The following SRFBP1 variants were observed in gnomAD, a reference collection of about 807,000 sequenced individuals.
SRFBP1 encodes the protein serum response factor binding protein 1.
A neutral mutation model predicts 45.5 loss-of-function variants in SRFBP1; 47 were observed. That is an observed-to-expected ratio of 1.03 (90% CI 0.82 to 1.32). The LOEUF (loss-of-function observed/expected upper bound fraction) is 1.32. Ranked by LOEUF, SRFBP1 falls within the 40% of genes most tolerant of loss-of-function variation. SRFBP1 has a pLI of 0.00. For missense variants in SRFBP1, 621 were observed against 484.6 expected (o/e 1.28, Z -2.64); for synonymous variants, 203 against 166.3 (o/e 1.22, Z -1.70).
intron 2 of SRFBP1, among the ~76,000 whole-genome samples, chr5:122,059,907 T>C (rs1182012728): frequency 6.6e-6 from 1 of 151,994 alleles, no homozygotes; most frequent in Non-Finnish European, 1.5e-5. Flanking sequence ...GAGTAGCAAT[T>C]GTAGAAGCAA....
At chr5:122,004,849 A>C (rs545403410) in intron 4 of SRFBP1, among the ~76,000 whole-genome samples, 1 of 152,080 alleles carries the variant, frequency 6.6e-6, no homozygotes, top group Non-Finnish European at 1.5e-5. Context: ...TTGTGTTTGC[A>C]TTATCATTTG....
intron 4 of SRFBP1, among the ~76,000 whole-genome samples, chr5:122,001,685 C>G (rs555039101): frequency 1.1e-4 from 16 of 151,656 alleles, no homozygotes; most frequent in African/African-American, 3.9e-4. Context: ...CCTCAGCCTC[C>G]CGAGTAGCTG....
At chr5:121,966,763 T>A (rs879365357) in intron 1 of SRFBP1, among the ~76,000 whole-genome samples, 2 of 142,248 alleles carry the variant, frequency 1.4e-5, no homozygotes, top group Non-Finnish European at 3.0e-5. Flanking sequence ...TGACATTTTA[T>A]TTTTTTTTAT....
intron 2 of SRFBP1, among the ~76,000 whole-genome samples, chr5:122,073,536 A>G (rs1754516098): frequency 6.6e-6 from 1 of 152,186 alleles, no homozygotes; most frequent in Non-Finnish European, 1.5e-5. Flanking sequence ...ATGGTTTCAC[A>G]GGTGAAAAAA....
chr5:122,074,624 G>A (rs1326139538), intron 2 of SRFBP1, among the ~76,000 whole-genome samples: 1 of 152,136 alleles, frequency 6.6e-6, no homozygotes, highest in Non-Finnish European at 1.5e-5. Flanking sequence ...TGAAAAGCAA[G>A]GGAGAACTCA....
intron 2 of SRFBP1, among the ~76,000 whole-genome samples, chr5:122,067,715 C>T (rs3792801): frequency 0.26 from 39,893 of 152,012 alleles, 6,728 homozygotes; most frequent in African/African-American, 0.48. Context: ...CCACAAAATT[C>T]ATGCTTTAGC....
intron 2 of SRFBP1, chr5:122,069,981 C>A: frequency 9.7e-7 from 1 of 1,025,998 alleles, no homozygotes; most frequent in South Asian, 1.3e-5. Flanking sequence ...CAGATACATT[C>A]TATGTATAAT....
At position 121,980,579 on chromosome 5, in the gene SRFBP1, G is replaced by A. The variant is rs146253556; in HGVS notation, c.198+5192G>A. On this transcript the variant is annotated intron_variant, in intron 3 of 7. Transcript: ENST00000339397. The stretch of plus-strand genomic sequence containing the variant: ...ATTTTTTTGAACACCATCAAGGATA[G>A]TGATAATAGCCATTTTTGCTTATGG... Among the ~76,000 whole-genome samples the A allele has an allele frequency of 3.9e-5, 6 of 152,236 alleles. No individual in the cohort carries two copies. The East Asian group carries it at 1.2e-3, about 29-fold the overall frequency.
At chr5:121,973,170 C>T (rs1942756483) in intron 1 of SRFBP1, among the ~76,000 whole-genome samples, 1 of 151,830 alleles carries the variant, frequency 6.6e-6, no homozygotes, top group Admixed American at 6.6e-5. Context: ...TTACAAGACT[C>T]CTGTTTTCTA....
At chr5:122,059,992 T>C (rs900497299) in intron 2 of SRFBP1, among the ~76,000 whole-genome samples, 1 of 152,036 alleles carries the variant, frequency 6.6e-6, no homozygotes, top group African/African-American at 2.4e-5. Flanking sequence ...GGAACTCCAG[T>C]GTGACATGTT....
chr5:122,015,391 G>A (rs550523037), intron 4 of SRFBP1, among the ~76,000 whole-genome samples: 55 of 152,100 alleles, frequency 3.6e-4, no homozygotes, highest in Non-Finnish European at 6.5e-4. Flanking sequence ...AACATCACGG[G>A]CCTACTACAC....
At chr5:121,980,976 T>C (rs1441955613) in intron 3 of SRFBP1, among the ~76,000 whole-genome samples, 1 of 152,154 alleles carries the variant, frequency 6.6e-6, no homozygotes, top group Admixed American at 6.6e-5. Flanking sequence ...CAGTTGGCCT[T>C]AGGCTAAACT....
At chr5:121,970,381 T>G (rs1752162030) in intron 1 of SRFBP1, among the ~76,000 whole-genome samples, 1 of 152,156 alleles carries the variant, frequency 6.6e-6, no homozygotes, top group South Asian at 2.1e-4. Context: ...AAATGGTATA[T>G]TATCATCTCA....
At chr5:122,031,595 G>C (rs73285759), downstream of SRFBP1, among the ~76,000 whole-genome samples, 542 of 152,308 alleles carry the variant, frequency 3.6e-3, 3 homozygotes, top group African/African-American at 0.012. Context: ...GACACTGTCA[G>C]ATGTACCAAC....
chr5:121,966,762 A>T lies in SRFBP1; in HGVS notation c.36+4694A>T, dbSNP rs1023965988. Among the ~76,000 whole-genome samples the T allele has an allele frequency of 7.0e-3, 1,051 of 150,470 alleles. 11 individuals carry two copies. The highest frequency in any genetic ancestry group is 0.024 in the African/African-American group (968 of 41,126). ...GGCCTATATGTACAACTGACATTTT[A>T]TTTTTTTTTATTTTTTATTTTTTAT... On this transcript the variant is annotated intron_variant, in intron 1 of 7. Transcript: ENST00000339397.
chr5:121,971,577 G>A (rs1752198972), intron 1 of SRFBP1, among the ~76,000 whole-genome samples: 1 of 151,996 alleles, frequency 6.6e-6, no homozygotes, highest in South Asian at 2.1e-4. Flanking sequence ...GAAGCTAAAA[G>A]GAGTGATCTC....
intron 7 of SRFBP1, among the ~76,000 whole-genome samples, chr5:122,025,957 G>A (rs1471393581): frequency 6.6e-6 from 1 of 152,104 alleles, no homozygotes; most frequent in South Asian, 2.1e-4. Context: ...AGGCATAGTG[G>A]CACATGCCTG....
chr5:122,058,260 C>G (rs1561411651), intron 2 of SRFBP1, among the ~76,000 whole-genome samples: 1 of 152,088 alleles, frequency 6.6e-6, no homozygotes, highest in Admixed American at 6.6e-5. Flanking sequence ...ACATGAGCAC[C>G]ATGTCAAGAT....
chr5:121,994,703 A>G (rs1262899337), intron 4 of SRFBP1, 33 bp downstream of exon 4: 7 of 1,405,812 alleles, frequency 5.0e-6, no homozygotes, highest in Admixed American at 4.5e-5. Context: ...TTGTCTTATG[A>G]AAAGTTTCTC....
Sources: allele counts gnomAD v4.1 joint callset (sites outside exome capture counted in the v4.1 genomes callset), GRCh38; gene constraint gnomAD v4.1.1; transcripts MANE v1.5; gene names NCBI Gene and HGNC (gene_info 2026-07-23, HGNC 2026-07-21).